PLPP4: variants seen among roughly 807,000 people sequenced by gnomAD.
PLPP4 encodes the protein phospholipid phosphatase 4.
Under a neutral mutation model 32.2 loss-of-function variants are expected in PLPP4, and 20 were observed. The ratio of observed to expected loss-of-function variants is 0.62; its 90% confidence interval spans 0.44 to 0.90. The LOEUF (loss-of-function observed/expected upper bound fraction) is 0.90. PLPP4 is among the 40% of genes least tolerant of loss of function. PLPP4 has a pLI of 0.00. For synonymous variants in PLPP4, 127 were observed against 133.0 expected, an observed-to-expected ratio of 0.95 and a Z score of 0.31; for missense variants, 257 against 353.1, an observed-to-expected ratio of 0.73 and a Z score of 2.18.
At chr10:120,578,223 G>C (rs1263631301) in intron 6 of PLPP4, among the ~76,000 whole-genome samples, 1 of 152,244 alleles carries the variant, frequency 6.6e-6, no homozygotes, top group African/African-American at 2.4e-5. Flanking sequence ...TATTAAGGGA[G>C]AAATCAAGGA....
intron 1 of PLPP4, among the ~76,000 whole-genome samples, chr10:120,466,771 C>T (rs1198842442): frequency 6.6e-6 from 1 of 150,638 alleles, no homozygotes; most frequent in African/African-American, 2.4e-5. Context: ...CACTCTCTCA[C>T]CTCCTAGGGA....
intron 5 of PLPP4, among the ~76,000 whole-genome samples, chr10:120,528,074 T>TTG (rs1554888669): frequency 2.3e-5 from 3 of 130,980 alleles, no homozygotes; most frequent in Non-Finnish European, 4.8e-5. Context: ...TCTCCGTTTT[T>TTG]TTTTTTTTTT....
chr10:120,553,072 T>A (rs928031959), intron 5 of PLPP4, among the ~76,000 whole-genome samples: 18 of 152,328 alleles, frequency 1.2e-4, no homozygotes, highest in Non-Finnish European at 2.5e-4. Flanking sequence ...CAGCATGATA[T>A]GAAAGAAAAT....
chr10:120,541,814 G>A (rs1847356911), intron 5 of PLPP4, among the ~76,000 whole-genome samples: 1 of 147,734 alleles, frequency 6.8e-6, no homozygotes, highest in Admixed American at 6.8e-5. Context: ...TCGCACTGTT[G>A]CTGGGGCTGG....
chr10:120,484,103 G>T (rs1291195507), intron 1 of PLPP4, among the ~76,000 whole-genome samples: 1 of 152,200 alleles, frequency 6.6e-6, no homozygotes, highest in African/African-American at 2.4e-5. Context: ...AATTTCAAAT[G>T]TGATGTGCTA....
chr10:120,537,464 T>A (rs1044713215), intron 5 of PLPP4, among the ~76,000 whole-genome samples: 26 of 152,224 alleles, frequency 1.7e-4, no homozygotes, highest in African/African-American at 6.0e-4. Flanking sequence ...TGCATGATCT[T>A]ACATACATAG....
intron 5 of PLPP4, among the ~76,000 whole-genome samples, chr10:120,540,907 A>C (rs1233091535): frequency 1.3e-5 from 2 of 152,226 alleles, no homozygotes; most frequent in Non-Finnish European, 2.9e-5. Context: ...GCACATGTGC[A>C]GGAGAGGGAG....
chr10:120,486,340 C>A (rs1026994680), intron 1 of PLPP4, among the ~76,000 whole-genome samples: 5 of 152,052 alleles, frequency 3.3e-5, no homozygotes, highest in Non-Finnish European at 7.4e-5. Flanking sequence ...CCTGCCTCCG[C>A]CTCCATGTCT....
intron 2 of PLPP4, among the ~76,000 whole-genome samples, chr10:120,505,207 A>C (rs1845440141): frequency 6.6e-6 from 1 of 152,248 alleles, no homozygotes; most frequent in Non-Finnish European, 1.5e-5. Context: ...TAGTGAGCAC[A>C]GCACCAGGTT....
chr10:120,526,035 T>A (rs1846373138), intron 5 of PLPP4, among the ~76,000 whole-genome samples: 1 of 152,148 alleles, frequency 6.6e-6, no homozygotes, highest in South Asian at 2.1e-4. Context: ...CCTGGACTGA[T>A]CTTATCTTTT....
chr10:120,463,846 G>A (rs1307189409), intron 1 of PLPP4, among the ~76,000 whole-genome samples: 1 of 151,148 alleles, frequency 6.6e-6, no homozygotes, highest in Non-Finnish European at 1.5e-5. Flanking sequence ...ATAGAGTCTT[G>A]CTCTGTCGCC....
At chr10:120,483,985 G>T (rs1280689928) in intron 1 of PLPP4, among the ~76,000 whole-genome samples, 1 of 152,130 alleles carries the variant, frequency 6.6e-6, no homozygotes, top group Non-Finnish European at 1.5e-5. Context: ...ACACAAAATG[G>T]ACTAAGACAG....
At chr10:120,480,165 G>A (rs528523067) in intron 1 of PLPP4, among the ~76,000 whole-genome samples, 2 of 152,354 alleles carry the variant, frequency 1.3e-5, no homozygotes, top group Non-Finnish European at 2.9e-5. Context: ...GGTTCTTAGA[G>A]AGGGACAGTT....
In PLPP4 at chr10:120,574,129, T is replaced by TACAC. The variant is rs751622346; in HGVS notation, c.446-965_446-962dup. Among the ~76,000 whole-genome samples, 356 of 56,938 alleles carry TACAC rather than the reference T, an allele frequency of 6.3e-3. 12 individuals are homozygous for TACAC. The highest frequency in any genetic ancestry group is 0.013 in the East Asian group (26 of 1,958). 37.4% of individuals were successfully genotyped at this position (56,938 alleles called of 152,430 possible). A position where few individuals can be genotyped will look rare whatever the true frequency, so the allele number is the denominator to read the frequency against. On this transcript the variant is annotated intron_variant, in intron 5 of 6. Transcript: ENST00000398250. ...GCCACCATTAGAATCATCTGGGGAG[T>TACAC]ACACACACACACACACACACACACA...
chr10:120,512,676 G>T (rs989861497), intron 2 of PLPP4, among the ~76,000 whole-genome samples: 2 of 152,188 alleles, frequency 1.3e-5, no homozygotes, highest in African/African-American at 4.8e-5. Flanking sequence ...AGCTGGGCGT[G>T]GTGGTGTGCA....
chr10:120,523,035 C>T (rs185581998), intron 5 of PLPP4, among the ~76,000 whole-genome samples: 3 of 152,262 alleles, frequency 2.0e-5, no homozygotes, highest in East Asian at 1.9e-4. Context: ...CAGTGGCTCA[C>T]GCCTGTAATC....
At chr10:120,509,302 C>T (rs1466706347) in intron 2 of PLPP4, among the ~76,000 whole-genome samples, 3 of 152,174 alleles carry the variant, frequency 2.0e-5, no homozygotes, top group African/African-American at 7.2e-5. Context: ...ATGATTTGCT[C>T]AAGGACAAAG....
At chr10:120,548,429 A>G (rs953473586) in intron 5 of PLPP4, among the ~76,000 whole-genome samples, 3 of 152,178 alleles carry the variant, frequency 2.0e-5, no homozygotes, top group Admixed American at 6.5e-5. Context: ...TCATGGCTGC[A>G]TAGTATTCCA....
intron 2 of PLPP4, among the ~76,000 whole-genome samples, chr10:120,510,594 T>A (rs142256591): frequency 6.6e-6 from 1 of 152,140 alleles, no homozygotes; most frequent in Non-Finnish European, 1.5e-5. Context: ...GTGGAATGCT[T>A]ATGCACTGGT....
Sources: allele counts gnomAD v4.1 joint callset (sites outside exome capture counted in the v4.1 genomes callset), GRCh38; gene constraint gnomAD v4.1.1; transcripts MANE v1.5; gene names NCBI Gene and HGNC (gene_info 2026-07-23, HGNC 2026-07-21).